Variants in DEPDC1B observed in about 807,000 individuals in gnomAD.
DEPDC1B encodes the protein DEP domain containing 1B.
DEPDC1B carries 51 observed loss-of-function variants against 66.5 expected under a neutral mutation model. The ratio of observed to expected loss-of-function variants is 0.77; its 90% CI spans 0.61 to 0.97. The LOEUF is 0.97. DEPDC1B is among the 50% of genes least tolerant of loss of function. DEPDC1B has a pLI of 0.00. For missense variants in DEPDC1B, 552 were observed against 637.1 expected (o/e 0.87, Z 1.44); for synonymous variants, 226 against 223.6 (o/e 1.01, Z -0.10).
intron 2 of DEPDC1B, among the ~76,000 whole-genome samples, chr5:60,681,584 T>G (rs1324391494): frequency 6.6e-6 from 1 of 151,662 alleles, no homozygotes; most frequent in Admixed American, 6.6e-5. Flanking sequence ...CATTGAGACA[T>G]AAAAACAATG....
intron 7 of DEPDC1B, among the ~76,000 whole-genome samples, chr5:60,631,158 G>C (rs1024466726): frequency 1.3e-5 from 2 of 152,166 alleles, no homozygotes; most frequent in African/African-American, 4.8e-5. Context: ...GGTCAGAGGA[G>C]GAGACCTTAT....
rs1584014573 is a variant in DEPDC1B at position 60,597,518 on chromosome 5, T to C, written c.*235A>G. ...AGCAATTACAAACATGTTAACATTA[T>C]CACTATATATTTGACTCATAAATTT... On this transcript the variant is annotated 3_prime_UTR_variant, in exon 11 of 11. Coordinates refer to ENST00000265036, the MANE Select transcript of DEPDC1B (RefSeq NM_018369.3). The C allele has an allele frequency of 2.6e-6, 1 of 392,002 alleles. No individual in the cohort carries two copies. Among genetic ancestry groups the C allele is most frequent in the Non-Finnish European group, 4.5e-6 (1 of 222,834 alleles). The allele number at this position is 392,002 out of a possible 1,614,324, so 24.3% of individuals were successfully genotyped here.
chr5:60,642,764 C>A, intron 6 of DEPDC1B, 48 bp downstream of exon 6: 1 of 1,508,394 alleles, frequency 6.6e-7, no homozygotes, highest in South Asian at 1.2e-5. Context: ...TAATTTAGGG[C>A]ACTAATTTCT....
chr5:60,635,765 A>G (rs1416563163), intron 7 of DEPDC1B, among the ~76,000 whole-genome samples: 1 of 152,142 alleles, frequency 6.6e-6, no homozygotes, highest in Non-Finnish European at 1.5e-5. Flanking sequence ...GGGCTGCCAG[A>G]TCTTCTAAAT....
intron 7 of DEPDC1B, among the ~76,000 whole-genome samples, chr5:60,622,126 G>C (rs890041874): frequency 3.3e-5 from 5 of 151,828 alleles, no homozygotes; most frequent in Non-Finnish European, 7.4e-5. Flanking sequence ...TAAATGTAGA[G>C]CTCAGTGAGT....
At chr5:60,638,196 T>C (rs1328756019) in intron 7 of DEPDC1B, among the ~76,000 whole-genome samples, 1 of 152,204 alleles carries the variant, frequency 6.6e-6, no homozygotes, top group East Asian at 1.9e-4. Flanking sequence ...ATTGTTGATT[T>C]TTTTCCTTTC....
intron 7 of DEPDC1B, among the ~76,000 whole-genome samples, chr5:60,607,487 C>A (rs995298861): frequency 6.6e-6 from 1 of 151,936 alleles, no homozygotes; most frequent in African/African-American, 2.4e-5. Flanking sequence ...ATTTATGAAC[C>A]CCCACCTGTA....
At chr5:60,645,420 G>C in intron 4 of DEPDC1B, 72 bp downstream of exon 4, 1 of 1,371,898 alleles carries the variant, frequency 7.3e-7, no homozygotes, top group Non-Finnish European at 9.8e-7. Flanking sequence ...AATTAAATAT[G>C]CAGAGAGTGA....
At chr5:60,660,432 C>T (rs1323381993) in intron 2 of DEPDC1B, among the ~76,000 whole-genome samples, 3 of 152,006 alleles carry the variant, frequency 2.0e-5, no homozygotes, top group African/African-American at 4.8e-5. Flanking sequence ...AGGTCTTCTC[C>T]GGGACCCTAT....
chr5:60,620,059 A>G (rs538083026), intron 7 of DEPDC1B, among the ~76,000 whole-genome samples: 2 of 152,342 alleles, frequency 1.3e-5, no homozygotes, highest in African/African-American at 4.8e-5. Context: ...CTATTTAATA[A>G]ATGGTGCTGG....
intron 2 of DEPDC1B, among the ~76,000 whole-genome samples, chr5:60,682,961 T>C (rs1028343632): frequency 3.9e-5 from 6 of 152,226 alleles, no homozygotes; most frequent in Admixed American, 3.9e-4. Flanking sequence ...ATTACCCTGA[T>C]ACCAAAACCA....
chr5:60,623,318 T>C (rs1752748183), intron 7 of DEPDC1B, among the ~76,000 whole-genome samples: 1 of 152,166 alleles, frequency 6.6e-6, no homozygotes, highest in Non-Finnish European at 1.5e-5. Context: ...TCTATTCTAT[T>C]CCATAGGCCT....
At chr5:60,616,521 C>T (rs182175137) in intron 7 of DEPDC1B, among the ~76,000 whole-genome samples, 286 of 152,208 alleles carry the variant, frequency 1.9e-3, no homozygotes, top group African/African-American at 6.5e-3. Context: ...CTGATTCGAT[C>T]AAATGGAAGG....
chr5:60,688,918 T>C (rs1754483534), intron 1 of DEPDC1B: 1 of 418,274 alleles, frequency 2.4e-6, no homozygotes, highest in Non-Finnish European at 4.8e-6. Context: ...CCACTTTATT[T>C]AGGAACCTCG....
chr5:60,683,367 G>C (rs1391620800), intron 2 of DEPDC1B, among the ~76,000 whole-genome samples: 3 of 152,172 alleles, frequency 2.0e-5, no homozygotes, highest in Non-Finnish European at 2.9e-5. Flanking sequence ...GGGAGGTTGA[G>C]GCTGCAGTGA....
chr5:60,659,239 ATCTTGGGAGC>A (rs1753650075), intron 2 of DEPDC1B, among the ~76,000 whole-genome samples: 1 of 151,914 alleles, frequency 6.6e-6, no homozygotes, highest in Non-Finnish European at 1.5e-5. Context: ...GGCCCGTCGC[ATCTTGGGAGC>A]TCTAAGAACA....
At chr5:60,673,613 A>G (rs1754094855) in intron 2 of DEPDC1B, among the ~76,000 whole-genome samples, 1 of 152,232 alleles carries the variant, frequency 6.6e-6, no homozygotes, top group Non-Finnish European at 1.5e-5. Flanking sequence ...TCCCATTCCT[A>G]GTTTGAGAGC....
Position 60,646,986 on chromosome 5 carries a change from A to T in DEPDC1B, c.450+412T>A, listed in dbSNP as rs143527027. 1.2e-3 allele frequency among the ~76,000 whole-genome samples: 187 copies of T among 152,228 alleles called. 5 individuals are homozygous for T. The East Asian group carries it at 0.022, about 18-fold the overall frequency. Reference sequence around the variant, plus strand: ...AGCTCAGGGCTCCCACTGATTCTATATTATGGTGAGTAGCATAATTATCTC... The same window carrying T: ...AGCTCAGGGCTCCCACTGATTCTATTTTATGGTGAGTAGCATAATTATCTC... On this transcript the variant is annotated intron_variant, in intron 3 of 10. Transcript: ENST00000265036.
At chr5:60,609,680 C>G (rs1342459171) in intron 7 of DEPDC1B, among the ~76,000 whole-genome samples, 1 of 152,138 alleles carries the variant, frequency 6.6e-6, no homozygotes, top group African/African-American at 2.4e-5. Flanking sequence ...CACAGTTGAG[C>G]TACATAATGA....
Sources: gnomAD v4.1 joint callset for allele counts (sites outside exome capture counted in the v4.1 genomes callset) on GRCh38, gnomAD v4.1.1 for gene constraint, MANE v1.5 for transcripts, NCBI Gene and HGNC (gene_info 2026-07-23, HGNC 2026-07-21) for gene names.